The following MECOM variants were observed in gnomAD, a reference collection of about 807,000 sequenced individuals.
MECOM encodes histone-lysine N-methyltransferase MECOM.
Under a neutral mutation model 116.3 loss-of-function variants are expected in MECOM, and 13 were observed. That is an observed-to-expected ratio of 0.11 (90% confidence interval 0.07 to 0.18). The LOEUF is 0.18. Among genes scored for constraint, MECOM ranks in the 10% least tolerant of loss-of-function variants. The pLI is 1.00. For synonymous variants in MECOM, 528 were observed against 535.2 expected (o/e 0.99, Z 0.19); for missense variants, 1,299 against 1,509.0 (o/e 0.86, Z 2.31).
chr3:169,646,306 C>A lies in MECOM; in HGVS notation c.37+17030G>T, dbSNP rs1187435713. ...GGGAACATCACACACCGGGGCCTGT[C>A]ATGGGGTGGGGGGAGGGGGAGGGGG... On this transcript the variant is annotated intron_variant, in intron 1 of 16. Coordinates refer to ENST00000651503, the MANE Select transcript of MECOM (RefSeq NM_004991.4). Among the ~76,000 whole-genome samples, 8 of 105,162 alleles carry A rather than the reference C, an allele frequency of 7.6e-5. No homozygotes were observed. The Admixed American group carries it at 1.2e-3, about 16-fold the overall frequency. The allele number at this position is 105,162 out of a possible 152,430, so 69.0% of individuals were successfully genotyped here. A position where few individuals can be genotyped will look rare whatever the true frequency, so the allele number is the denominator to read the frequency against.
intron 1 of MECOM, among the ~76,000 whole-genome samples, chr3:169,427,550 T>C (rs1740931580): frequency 6.6e-6 from 1 of 152,220 alleles, no homozygotes; most frequent in South Asian, 2.1e-4. Context: ...GATGAACTTG[T>C]GTTGACCAAA....
At chr3:169,293,844 T>C (rs1042974619) in intron 2 of MECOM, among the ~76,000 whole-genome samples, 16 of 152,358 alleles carry the variant, frequency 1.1e-4, no homozygotes, top group Middle Eastern at 3.4e-3. Flanking sequence ...CCAGCCAGTG[T>C]GATCTACAGT....
intron 1 of MECOM, among the ~76,000 whole-genome samples, chr3:169,452,702 C>T (rs561347610): frequency 8.1e-4 from 124 of 152,280 alleles, no homozygotes; most frequent in Non-Finnish European, 1.1e-3. Context: ...TGACCAATAG[C>T]TGAGCACACA....
chr3:169,343,932 A>G (rs1350499843), intron 2 of MECOM, among the ~76,000 whole-genome samples: 1 of 152,172 alleles, frequency 6.6e-6, no homozygotes, highest in African/African-American at 2.4e-5. Flanking sequence ...AACTTACCAA[A>G]GGAGACTCAA....
intron 1 of MECOM, among the ~76,000 whole-genome samples, chr3:169,493,521 T>A (rs948697997): frequency 1.3e-5 from 2 of 152,006 alleles, no homozygotes; most frequent in Admixed American, 1.3e-4. Context: ...TACATATATA[T>A]GTATGTATGT....
chr3:169,088,668 ACT>A (rs1718638753), intron 16 of MECOM, among the ~76,000 whole-genome samples: 1 of 152,182 alleles, frequency 6.6e-6, no homozygotes, highest in South Asian at 2.1e-4. Flanking sequence ...ACGGAAAATG[ACT>A]CTGAGGTAAT....
chr3:169,084,354 G>C lies in MECOM; in HGVS notation c.*555C>G, dbSNP rs1371724908. ...CAATGTACTTAAGAAGGCAAAAGGG[G>C]GAACAAGTACTCCCTGTTATCAGTT... On this transcript the variant is annotated 3_prime_UTR_variant, in exon 17 of 17. Coordinates refer to ENST00000651503, the MANE Select transcript of MECOM (RefSeq NM_004991.4). The C allele has an allele frequency of 8.6e-6, 2 of 231,362 alleles. No individual in the cohort carries two copies. The highest frequency in any genetic ancestry group is 5.6e-5 in the Admixed American group (1 of 17,806). The allele number at this position is 231,362 out of a possible 1,614,324, so 14.3% of individuals were successfully genotyped here. A position where few individuals can be genotyped will look rare whatever the true frequency, so the allele number is the denominator to read the frequency against.
At position 169,354,816 on chromosome 3, in the gene MECOM, T is replaced by A. The variant is rs148722275; in HGVS notation, c.375+26371A>T. ...CCCTTCCTGAGCTGGGGCTTCAGCT[T>A]TAGGTCATTCTGCAAACAAGCCCCA... On this transcript the variant is annotated intron_variant, in intron 2 of 16. Coordinates refer to ENST00000651503, the MANE Select transcript of MECOM (RefSeq NM_004991.4). 3.4e-4 allele frequency among the ~76,000 whole-genome samples: 52 copies of A among 151,968 alleles called. 1 individual carries two copies. The East Asian group carries it at 0.01, about 30-fold the overall frequency.
chr3:169,658,511 G>A (rs533901630), intron 1 of MECOM, among the ~76,000 whole-genome samples: 93 of 152,362 alleles, frequency 6.1e-4, no homozygotes, highest in Non-Finnish European at 5.1e-4. Flanking sequence ...ACCCAGCTCC[G>A]AGGGAAGCAG....
At chr3:169,626,008 C>T (rs1771325222) in intron 1 of MECOM, among the ~76,000 whole-genome samples, 1 of 152,192 alleles carries the variant, frequency 6.6e-6, no homozygotes, top group Non-Finnish European at 1.5e-5. Flanking sequence ...ATATTACAAC[C>T]ATTTACCACT....
intron 1 of MECOM, among the ~76,000 whole-genome samples, chr3:169,423,816 C>T (rs542188030): frequency 6.6e-6 from 1 of 152,236 alleles, no homozygotes; most frequent in East Asian, 1.9e-4. Context: ...CCCATTTAAG[C>T]TGCCTCCGAA....
At position 169,084,047 on chromosome 3, in the gene MECOM, C is replaced by A. The variant is rs1044464183; in HGVS notation, c.*862G>T. On this transcript the variant is annotated 3_prime_UTR_variant, in exon 17 of 17. Transcript: ENST00000651503. ...AATTCGGAAAGGGGTGTGCCTCAGA[C>A]GTCATAAAGTAGTGGCTGACTGGAA... 4.3e-6 allele frequency: 1 copy of A among 230,806 alleles called. No individual in the cohort carries two copies. Among genetic ancestry groups the A allele is most frequent in the Non-Finnish European group, 8.6e-6 (1 of 116,532 alleles). 14.3% of individuals were successfully genotyped at this position (230,806 alleles called of 1,614,324 possible).
intron 1 of MECOM, among the ~76,000 whole-genome samples, chr3:169,573,409 T>C (rs2109464533): frequency 6.6e-6 from 1 of 152,320 alleles, no homozygotes; most frequent in Admixed American, 6.5e-5. Flanking sequence ...AATTATGGCA[T>C]TCATGATATT....
intron 1 of MECOM, among the ~76,000 whole-genome samples, chr3:169,589,833 T>C (rs912657684): frequency 6.6e-5 from 10 of 152,352 alleles, no homozygotes; most frequent in African/African-American, 1.9e-4. Flanking sequence ...TTAACAAATC[T>C]GTGTTCAAAT....
chr3:169,545,373 G>A (rs1344734628), intron 1 of MECOM, among the ~76,000 whole-genome samples: 2 of 152,116 alleles, frequency 1.3e-5, no homozygotes, highest in Non-Finnish European at 1.5e-5. Flanking sequence ...CACCCCAGGG[G>A]TATAATCCTT....
At chr3:169,261,204 T>G (rs1402003453) in intron 2 of MECOM, among the ~76,000 whole-genome samples, 1 of 152,180 alleles carries the variant, frequency 6.6e-6, no homozygotes, top group Non-Finnish European at 1.5e-5. Context: ...ACTGATATTC[T>G]AAAAGATAAA....
intron 1 of MECOM, among the ~76,000 whole-genome samples, chr3:169,422,574 T>G (rs1488077989): frequency 1.3e-5 from 2 of 152,114 alleles, no homozygotes; most frequent in African/African-American, 4.8e-5. Context: ...CACATTCTTT[T>G]GAATGGAAAG....
At chr3:169,535,006 G>C (rs1257215350) in intron 1 of MECOM, among the ~76,000 whole-genome samples, 1 of 152,216 alleles carries the variant, frequency 6.6e-6, no homozygotes, top group African/African-American at 2.4e-5. Flanking sequence ...CACTCAAGGA[G>C]GAACAGGGAC....
intron 2 of MECOM, among the ~76,000 whole-genome samples, chr3:169,191,675 AG>A (rs1291664559): frequency 9.9e-6 from 1 of 100,566 alleles, no homozygotes; most frequent in Non-Finnish European, 1.8e-5. Context: ...ACAGAGAGAA[AG>A]AAGAAGGAAA....
Sources: gnomAD v4.1 joint callset for allele counts (sites outside exome capture counted in the v4.1 genomes callset) on GRCh38, gnomAD v4.1.1 for gene constraint, MANE v1.5 for transcripts, NCBI Gene and HGNC (gene_info 2026-07-23, HGNC 2026-07-21) for gene names.